KCNB2: variants seen among roughly 807,000 people sequenced by gnomAD.
KCNB2 encodes the protein delayed rectifier potassium channel protein.
Under a neutral mutation model 61.5 loss-of-function variants are expected in KCNB2, and 15 were observed. The observed-to-expected ratio is 0.24, with a 90% CI of 0.16 to 0.38. The LOEUF is 0.38. KCNB2 is among the 10% of genes least tolerant of loss of function. The pLI is 1.00. For synonymous variants in KCNB2, 457 were observed against 446.0 expected (o/e 1.02, Z -0.31); for missense variants, 828 against 1,125.2 (o/e 0.74, Z 3.78).
At chr8:72,726,105 T>C (rs1585855557) in intron 2 of KCNB2, among the ~76,000 whole-genome samples, 1 of 152,298 alleles carries the variant, frequency 6.6e-6, no homozygotes, top group East Asian at 1.9e-4. Context: ...TAGTTGGAGA[T>C]GGGACTTTTA....
At chr8:72,772,085 G>C (rs535935085) in intron 2 of KCNB2, among the ~76,000 whole-genome samples, 60 of 152,180 alleles carry the variant, frequency 3.9e-4, no homozygotes, top group African/African-American at 1.4e-3. Flanking sequence ...AGGAACACAG[G>C]GACACGGGAT....
chr8:72,674,858 T>C (rs1399475293), intron 2 of KCNB2, among the ~76,000 whole-genome samples: 2 of 152,212 alleles, frequency 1.3e-5, no homozygotes, highest in Non-Finnish European at 2.9e-5. Flanking sequence ...TATTTCTTGC[T>C]ATTGCAGAGT....
chr8:72,899,243 CA>C (rs1563417448), intron 2 of KCNB2, among the ~76,000 whole-genome samples: 1 of 152,130 alleles, frequency 6.6e-6, no homozygotes, highest in East Asian at 1.9e-4. Flanking sequence ...GAATATACTT[CA>C]AAATAATAAG....
intron 2 of KCNB2, among the ~76,000 whole-genome samples, chr8:72,633,862 A>G (rs1407045238): frequency 6.6e-6 from 1 of 152,192 alleles, no homozygotes; most frequent in Non-Finnish European, 1.5e-5. Flanking sequence ...GTACCCTGCT[A>G]GAGTTGGGCA....
intron 2 of KCNB2, among the ~76,000 whole-genome samples, chr8:72,729,710 G>A (rs1481057158): frequency 6.6e-6 from 1 of 151,944 alleles, no homozygotes; most frequent in Non-Finnish European, 1.5e-5. Context: ...ATGGAGAAAC[G>A]CTGTCTCTAC....
chr8:72,705,521 C>G (rs1272554516), intron 2 of KCNB2, among the ~76,000 whole-genome samples: 1 of 152,202 alleles, frequency 6.6e-6, no homozygotes. Flanking sequence ...GACACTCTGC[C>G]TGGGCAGAAG....
chr8:72,809,023 C>T (rs550197669), intron 2 of KCNB2, among the ~76,000 whole-genome samples: 14 of 152,194 alleles, frequency 9.2e-5, no homozygotes, highest in African/African-American at 3.4e-4. Context: ...TGTTGCTTGC[C>T]ATTTTAGCCT....
At chr8:72,697,277 G>A (rs749655556) in intron 2 of KCNB2, among the ~76,000 whole-genome samples, 12 of 152,082 alleles carry the variant, frequency 7.9e-5, no homozygotes, top group Non-Finnish European at 1.3e-4. Flanking sequence ...AAAATGCTTG[G>A]GGAAAGCCTC....
At chr8:72,588,938 C>G (rs1807045530) in intron 2 of KCNB2, among the ~76,000 whole-genome samples, 1 of 151,890 alleles carries the variant, frequency 6.6e-6, no homozygotes, top group African/African-American at 2.4e-5. Context: ...AGAAACATGC[C>G]CTGAGTCACA....
chr8:72,727,688 A>G (rs1433429492), intron 2 of KCNB2, among the ~76,000 whole-genome samples: 1 of 152,202 alleles, frequency 6.6e-6, no homozygotes, highest in Admixed American at 6.5e-5. Flanking sequence ...AATTACATGG[A>G]CTTCCTGTGA....
chr8:72,595,337 T>G (rs923576743), intron 2 of KCNB2, among the ~76,000 whole-genome samples: 6 of 151,308 alleles, frequency 4.0e-5, no homozygotes, highest in Non-Finnish European at 8.8e-5. Flanking sequence ...TCTTTTTTTT[T>G]TTTTTTAAGA....
chr8:72,698,503 A>G (rs757067348), intron 2 of KCNB2, among the ~76,000 whole-genome samples: 1 of 152,208 alleles, frequency 6.6e-6, no homozygotes, highest in Non-Finnish European at 1.5e-5. Flanking sequence ...ACAGAATTAG[A>G]AAAAACTATT....
intron 2 of KCNB2, among the ~76,000 whole-genome samples, chr8:72,721,624 A>G (rs1420845738): frequency 6.6e-6 from 1 of 152,184 alleles, no homozygotes; most frequent in Admixed American, 6.5e-5. Context: ...AGGACTCTAC[A>G]GTTAACTCTG....
intron 2 of KCNB2, among the ~76,000 whole-genome samples, chr8:72,653,559 C>A (rs1328950307): frequency 7.2e-5 from 11 of 152,108 alleles, no homozygotes; most frequent in Non-Finnish European, 1.2e-4. Context: ...AGGTCAGGAA[C>A]TTTGTCTTCA....
intron 2 of KCNB2, among the ~76,000 whole-genome samples, chr8:72,891,691 T>C (rs184303394): frequency 1.2e-3 from 178 of 152,330 alleles, no homozygotes; most frequent in African/African-American, 4.1e-3. Flanking sequence ...TTCATAAATC[T>C]TTGTATTATA....
In KCNB2 at chr8:72,570,127, AC is replaced by A. The variant is rs199859831; in HGVS notation, c.579+1815del. ...CCATTTCTTAATCTCTAAGAGGGTA[AC>A]TATGACCATGGCTCATTACAATAGA... On this transcript the variant is annotated intron_variant, in intron 2 of 2. Transcript: ENST00000523207. 7.2e-3 allele frequency among the ~76,000 whole-genome samples: 1,098 copies of A among 152,268 alleles called. 12 individuals are homozygous for A. The highest frequency in any genetic ancestry group is 0.025 in the African/African-American group (1,030 of 41,558).
chr8:72,636,162 A>G (rs1053663321), intron 2 of KCNB2, among the ~76,000 whole-genome samples: 11 of 152,166 alleles, frequency 7.2e-5, no homozygotes, highest in South Asian at 4.1e-4. Flanking sequence ...TCATAGATTT[A>G]GGTCTATCCC....
intron 2 of KCNB2, among the ~76,000 whole-genome samples, chr8:72,798,915 C>A (rs1051142447): frequency 6.6e-6 from 1 of 152,142 alleles, no homozygotes; most frequent in Admixed American, 6.6e-5. Flanking sequence ...GAGAATCTCT[C>A]GCTATCTTTT....
intron 2 of KCNB2, among the ~76,000 whole-genome samples, chr8:72,723,069 C>T (rs1362129852): frequency 6.6e-6 from 1 of 152,194 alleles, no homozygotes; most frequent in African/African-American, 2.4e-5. Context: ...CGAGAATTAA[C>T]ATTTGCCTGA....
Sources: gnomAD v4.1 joint callset for allele counts (sites outside exome capture counted in the v4.1 genomes callset) on GRCh38, gnomAD v4.1.1 for gene constraint, MANE v1.5 for transcripts, NCBI Gene and HGNC (gene_info 2026-07-23, HGNC 2026-07-21) for gene names.